Variants in CNTNAP5 observed in about 807,000 individuals in gnomAD.
CNTNAP5 encodes the protein contactin associated protein family member 5, also known as contactin-associated protein-like 5.
CNTNAP5 carries 72 observed loss-of-function variants against 150.2 expected under a neutral mutation model. The ratio of observed to expected loss-of-function variants is 0.48; its 90% confidence interval spans 0.40 to 0.58. The LOEUF is 0.58. Among genes scored for constraint, CNTNAP5 ranks in the 20% least tolerant of loss-of-function variants. The probability of loss-of-function intolerance (pLI) is 0.00; values close to 1 mark genes in which losing one functional copy is unlikely to be tolerated. For synonymous variants in CNTNAP5, 672 were observed against 619.8 expected (o/e 1.08, Z -1.25); for missense variants, 1,636 against 1,626.2 (o/e 1.01, Z -0.10).
At chr2:124,213,593 C>T (rs1289783377) in intron 1 of CNTNAP5, among the ~76,000 whole-genome samples, 2 of 152,150 alleles carry the variant, frequency 1.3e-5, no homozygotes, top group Non-Finnish European at 2.9e-5. Flanking sequence ...ATATTTGTCA[C>T]ATATGAGGGG....
At chr2:124,806,582 A>C (rs934179453) in intron 19 of CNTNAP5, among the ~76,000 whole-genome samples, 1 of 152,086 alleles carries the variant, frequency 6.6e-6, no homozygotes, top group Non-Finnish European at 1.5e-5. Context: ...CTCTTCAGAA[A>C]TTTTCCAATA....
intron 11 of CNTNAP5, among the ~76,000 whole-genome samples, chr2:124,577,326 T>G (rs2104945137): frequency 6.6e-6 from 1 of 152,356 alleles, no homozygotes; most frequent in Admixed American, 6.5e-5. Flanking sequence ...AGTTTACTTA[T>G]CATTACATTA....
chr2:124,589,309 G>T (rs922722482), intron 11 of CNTNAP5, among the ~76,000 whole-genome samples: 6 of 152,158 alleles, frequency 3.9e-5, no homozygotes, highest in Admixed American at 2.6e-4. Flanking sequence ...CCTATGACTG[G>T]CTTCTTTCAT....
At chr2:124,236,209 G>A (rs1369747317) in intron 2 of CNTNAP5, among the ~76,000 whole-genome samples, 6 of 151,998 alleles carry the variant, frequency 3.9e-5, no homozygotes, top group East Asian at 3.9e-4. Context: ...CAGATGATCC[G>A]CCCGCCTTGG....
Position 124,191,808 on chromosome 2 carries a change from G to A in CNTNAP5, c.83-29897G>A, listed in dbSNP as rs566304850. Among the ~76,000 whole-genome samples the A allele has an allele frequency of 4.6e-5, 7 of 152,150 alleles. No individual in the cohort carries two copies. The South Asian group carries it at 6.2e-4, about 14-fold the overall frequency. The stretch of plus-strand genomic sequence containing the variant: ...CTCACGCCTGTAATCCCAGCTGCTC[G>A]GGAGGCTGAGGCAGGAGAATCTCTT... On this transcript the variant is annotated intron_variant, in intron 1 of 23. Coordinates refer to ENST00000682447, the MANE Select transcript of CNTNAP5 (RefSeq NM_001367498.1).
intron 15 of CNTNAP5, 47 bp from the exon 16 acceptor site, chr2:124,763,930 C>A (rs1311842497): frequency 1.3e-6 from 2 of 1,598,920 alleles, no homozygotes; most frequent in African/African-American, 2.7e-5. Flanking sequence ...CTTTCCCATA[C>A]CCCACTGAAA....
At chr2:124,702,926 A>G (rs1679552811) in intron 13 of CNTNAP5, among the ~76,000 whole-genome samples, 1 of 152,200 alleles carries the variant, frequency 6.6e-6, no homozygotes, top group Non-Finnish European at 1.5e-5. Flanking sequence ...AATTTCTGGA[A>G]CATAACCATC....
At chr2:124,297,006 T>C (rs1688450794) in intron 3 of CNTNAP5, among the ~76,000 whole-genome samples, 1 of 152,188 alleles carries the variant, frequency 6.6e-6, no homozygotes. Flanking sequence ...TGTCTATCAC[T>C]ATCCAGGCTG....
intron 13 of CNTNAP5, among the ~76,000 whole-genome samples, chr2:124,677,454 C>G (rs1294156434): frequency 6.6e-6 from 1 of 152,184 alleles, no homozygotes; most frequent in African/African-American, 2.4e-5. Context: ...GGGTGGCCAG[C>G]TTTTATTCCC....
rs143772359 is a variant in CNTNAP5, at chr2:124,114,850, T to A, written c.82+89118T>A. 5.2e-3 allele frequency among the ~76,000 whole-genome samples: 783 copies of A among 151,650 alleles called. 6 individuals are homozygous for A. Among genetic ancestry groups the A allele is most frequent in the African/African-American group, 0.018 (728 of 41,536 alleles). On this transcript the variant is annotated intron_variant, in intron 1 of 23. Transcript: ENST00000682447. ...ATTATATGTACATATATTTATAATA[T>A]TGAAGGTGGATTTTTCAAATGCTTT...
chr2:124,132,840 A>G (rs1683886588), intron 1 of CNTNAP5, among the ~76,000 whole-genome samples: 1 of 152,062 alleles, frequency 6.6e-6, no homozygotes, highest in Non-Finnish European at 1.5e-5. Context: ...ATACTGTTCA[A>G]TCTATGTGTC....
chr2:124,841,381 T>C (rs76222616), intron 19 of CNTNAP5, among the ~76,000 whole-genome samples: 1 of 128,608 alleles, frequency 7.8e-6, no homozygotes, highest in Non-Finnish European at 1.5e-5. Context: ...CACTCCATCT[T>C]TTTTTTTTTT....
Position 124,067,438 on chromosome 2 carries a change from AT to A in CNTNAP5, c.82+41708del, listed in dbSNP as rs569190793. Among the ~76,000 whole-genome samples, 83 of 152,224 alleles carry A rather than the reference AT, an allele frequency of 5.5e-4. No individual in the cohort carries two copies. In the South Asian group the frequency reaches 0.016, roughly 29 times the overall value. On this transcript the variant is annotated intron_variant, in intron 1 of 23. Transcript: ENST00000682447. ...CCCCAATCCCTGCCTCTATGGCTAC[AT>A]TGCCACCTCCTCTTCTGTTTAAAAT...
chr2:124,659,939 C>T (rs761790638), intron 13 of CNTNAP5, among the ~76,000 whole-genome samples: 23 of 151,096 alleles, frequency 1.5e-4, no homozygotes, highest in Non-Finnish European at 2.9e-4. Context: ...ATGGGGGAGA[C>T]ATTGTAGGAA....
intron 2 of CNTNAP5, among the ~76,000 whole-genome samples, chr2:124,231,004 TC>T (rs1686603231): frequency 5.3e-5 from 8 of 152,030 alleles, no homozygotes; most frequent in Admixed American, 6.6e-5. Context: ...TTCATCACAC[TC>T]TCCCTTCCCA....
At chr2:124,712,120 T>C (rs895003752) in intron 13 of CNTNAP5, among the ~76,000 whole-genome samples, 8 of 152,186 alleles carry the variant, frequency 5.3e-5, no homozygotes, top group African/African-American at 1.9e-4. Context: ...AAGAGAAATT[T>C]AAGCACGTTC....
chr2:124,345,801 C>T (rs1689724150), intron 3 of CNTNAP5, among the ~76,000 whole-genome samples: 1 of 152,050 alleles, frequency 6.6e-6, no homozygotes, highest in South Asian at 2.1e-4. Context: ...ATTATCCGTT[C>T]CTCTATTATT....
chr2:124,238,198 A>G (rs1218890896), intron 2 of CNTNAP5, among the ~76,000 whole-genome samples: 1 of 152,150 alleles, frequency 6.6e-6, no homozygotes, highest in African/African-American at 2.4e-5. Context: ...CTTGTAGCCC[A>G]GGGAAGACCT....
At chr2:124,378,962 G>A (rs1220215754) in intron 3 of CNTNAP5, among the ~76,000 whole-genome samples, 1 of 151,954 alleles carries the variant, frequency 6.6e-6, no homozygotes, top group Non-Finnish European at 1.5e-5. Context: ...TATGGCTACT[G>A]CTATCTTTTT....
Sources: gnomAD v4.1 joint callset for allele counts (sites outside exome capture counted in the v4.1 genomes callset) on GRCh38, gnomAD v4.1.1 for gene constraint, MANE v1.5 for transcripts, NCBI Gene and HGNC (gene_info 2026-07-23, HGNC 2026-07-21) for gene names.